PNLIPRP3: variants seen among roughly 807,000 people sequenced by gnomAD.
PNLIPRP3 encodes pancreatic lipase related protein 3.
PNLIPRP3 carries 58 observed loss-of-function variants against 52.8 expected under a neutral mutation model. The ratio of observed to expected loss-of-function variants is 1.10; its 90% CI spans 0.89 to 1.37. PNLIPRP3 has a LOEUF of 1.37. Among genes scored for constraint, PNLIPRP3 ranks in the 40% most tolerant of loss-of-function variants. The probability of loss-of-function intolerance (pLI) is 0.00; values close to 1 mark genes in which losing one functional copy is unlikely to be tolerated. For synonymous variants in PNLIPRP3, 192 were observed against 185.0 expected (o/e 1.04, Z -0.31); for missense variants, 593 against 561.6 (o/e 1.06, Z -0.57).
At chr10:116,474,619 T>C (rs1017983098) in intron 10 of PNLIPRP3, among the ~76,000 whole-genome samples, 1 of 151,768 alleles carries the variant, frequency 6.6e-6, no homozygotes, top group African/African-American at 2.4e-5. Context: ...AACAAACAAC[T>C]ACATTACCAA....
At chr10:116,445,847 C>T (rs956394855) in intron 4 of PNLIPRP3, among the ~76,000 whole-genome samples, 1 of 152,150 alleles carries the variant, frequency 6.6e-6, no homozygotes, top group African/African-American at 2.4e-5. Context: ...AGCTGAGTCT[C>T]TTCTCCACCT....
At position 116,437,153 on chromosome 10, in the gene PNLIPRP3, A is replaced by G. The variant is rs188449719; in HGVS notation, c.204+288A>G. Among the ~76,000 whole-genome samples the G allele has an allele frequency of 4.8e-3, 716 of 148,108 alleles. 7 individuals carry two copies. Among genetic ancestry groups the G allele is most frequent in the African/African-American group, 0.017 (686 of 40,042 alleles). On this transcript the variant is annotated intron_variant, in intron 2 of 11. Transcript: ENST00000369230. ...CAACTGAGAACCTTCCATCTGTAAG[A>G]CTGAATAAGCAACAATGCCTATTGT...
rs762428852 is a variant in PNLIPRP3, at chr10:116,443,062, G to A, written c.212G>A (p.Ser71Asn). 3 of 1,591,000 alleles carry A rather than the reference G, an allele frequency of 1.9e-6. No individual in the cohort carries two copies. Among genetic ancestry groups the A allele is most frequent in the Admixed American group, 3.4e-5 (2 of 58,976 alleles). The change falls in exon 3 of 12, where the codon AGT (serine) becomes AAT (asparagine). Residue 71 changes from serine to asparagine, a missense_variant. Physicochemically the swap from Ser to Asn is conservative, Grantham distance 46. Transcript: ENST00000369230. Reference sequence around the variant, plus strand: ...TCTTTCTGCTTGAAACAGGAGATCAGTGCGGTTAATTCTTCAACTATCCAA... The same window carrying A: ...TCTTTCTGCTTGAAACAGGAGATCAATGCGGTTAATTCTTCAACTATCCAA... ...IHNPNAYQEISAVNSSTIQAS... is the reference protein window; with the variant it reads ...IHNPNAYQEINAVNSSTIQAS...
chr10:116,458,014 G>GATT (rs1378617402), intron 5 of PNLIPRP3, among the ~76,000 whole-genome samples: 1 of 152,090 alleles, frequency 6.6e-6, no homozygotes, highest in Non-Finnish European at 1.5e-5. Context: ...CTCACAAACA[G>GATT]ATTTTAGCTG....
chr10:116,460,917 A>G lies in PNLIPRP3; in HGVS notation c.566-49A>G, dbSNP rs1044015652. ...GACACATGCTTCCAAAGTAACAACAATATTAATGTGCACTTCCATAGAACA... is the reference window on the plus strand; with the variant it reads ...GACACATGCTTCCAAAGTAACAACAGTATTAATGTGCACTTCCATAGAACA... On this transcript the variant is annotated intron_variant, in intron 5 of 11. Transcript: ENST00000369230. 3.1e-6 allele frequency: 5 copies of G among 1,593,380 alleles called. No homozygotes were observed. In the Admixed American group the frequency reaches 8.8e-5, roughly 28 times the overall value.
chr10:116,453,026 A>T (rs1389392907), intron 4 of PNLIPRP3, among the ~76,000 whole-genome samples: 1 of 152,192 alleles, frequency 6.6e-6, no homozygotes, highest in Non-Finnish European at 1.5e-5. Context: ...ACTGGCAGGC[A>T]CTCAACTCCA....
At chr10:116,455,288 G>A (rs1263010919) in intron 4 of PNLIPRP3, among the ~76,000 whole-genome samples, 1 of 152,202 alleles carries the variant, frequency 6.6e-6, no homozygotes, top group Non-Finnish European at 1.5e-5. Flanking sequence ...TAAAACCAAA[G>A]TTATCCCATA....
chr10:116,468,126 CAAAAAAAAAAA>C (rs5788168), intron 8 of PNLIPRP3, among the ~76,000 whole-genome samples: 2,535 of 39,764 alleles, frequency 0.064, 55 homozygotes, highest in Middle Eastern at 0.23. Context: ...CTCTGTCTCG[CAAAAAAAAAAA>C]AAAAAAAAAA....
intron 2 of PNLIPRP3, among the ~76,000 whole-genome samples, chr10:116,437,843 C>T (rs1407784104): frequency 6.6e-6 from 1 of 152,150 alleles, no homozygotes; most frequent in Non-Finnish European, 1.5e-5. Flanking sequence ...TCAATAGCCA[C>T]ATGTGGCTAG....
intron 10 of PNLIPRP3, among the ~76,000 whole-genome samples, chr10:116,475,039 C>T (rs1459369042): frequency 6.6e-6 from 1 of 152,100 alleles, no homozygotes; most frequent in Non-Finnish European, 1.5e-5. Flanking sequence ...AACCCATGTG[C>T]CCATCAATGA....
At chr10:116,434,643 G>A (rs1040358839) in intron 1 of PNLIPRP3, among the ~76,000 whole-genome samples, 1 of 152,016 alleles carries the variant, frequency 6.6e-6, no homozygotes, top group African/African-American at 2.4e-5. Flanking sequence ...TAGAAAATAA[G>A]GACTAGTTAT....
intron 4 of PNLIPRP3, among the ~76,000 whole-genome samples, chr10:116,446,954 C>T (rs1845962464): frequency 6.6e-6 from 1 of 152,090 alleles, no homozygotes; most frequent in South Asian, 2.1e-4. Flanking sequence ...TTCAATCTCA[C>T]ATGTCTTGGA....
chr10:116,458,786 T>G (rs940234454), intron 5 of PNLIPRP3, among the ~76,000 whole-genome samples: 4 of 152,182 alleles, frequency 2.6e-5, no homozygotes, highest in Non-Finnish European at 5.9e-5. Context: ...ATAGAAGCGC[T>G]GTGCTGAAAC....
intron 9 of PNLIPRP3, among the ~76,000 whole-genome samples, chr10:116,469,551 G>A (rs1846333752): frequency 1.3e-5 from 2 of 152,186 alleles, no homozygotes; most frequent in East Asian, 1.9e-4. Context: ...TTCAAGATAT[G>A]TGCAGAGCAT....
At chr10:116,451,915 G>A (rs1040278405) in intron 4 of PNLIPRP3, among the ~76,000 whole-genome samples, 2 of 152,200 alleles carry the variant, frequency 1.3e-5, no homozygotes, top group Non-Finnish European at 2.9e-5. Context: ...TTTTGGAGCT[G>A]GGAAATGAGC....
At chr10:116,446,969 T>C (rs1201245314) in intron 4 of PNLIPRP3, among the ~76,000 whole-genome samples, 1 of 152,128 alleles carries the variant, frequency 6.6e-6, no homozygotes, top group Non-Finnish European at 1.5e-5. Context: ...CTTGGAGCAC[T>C]GATAGAACCC....
At chr10:116,469,728 G>T (rs531934110) in intron 9 of PNLIPRP3, among the ~76,000 whole-genome samples, 3 of 152,144 alleles carry the variant, frequency 2.0e-5, no homozygotes, top group African/African-American at 7.2e-5. Context: ...TGTAGAGACT[G>T]GGAGGACAGT....
At chr10:116,439,716 G>T (rs1845830193) in intron 2 of PNLIPRP3, 3 of 770,308 alleles carry the variant, frequency 3.9e-6, no homozygotes, top group Non-Finnish European at 7.2e-6. Flanking sequence ...TTGTGGATTT[G>T]ATCTAGGCGC....
At chr10:116,470,953 G>A (rs113102935) in intron 9 of PNLIPRP3, among the ~76,000 whole-genome samples, 3 of 152,170 alleles carry the variant, frequency 2.0e-5, no homozygotes, top group African/African-American at 7.2e-5. Context: ...GCTTGGCTGG[G>A]GTGGTTTCAG....
Sources: allele counts gnomAD v4.1 joint callset (sites outside exome capture counted in the v4.1 genomes callset), GRCh38; gene constraint gnomAD v4.1.1; transcripts MANE v1.5; gene names NCBI Gene and HGNC (gene_info 2026-07-23, HGNC 2026-07-21).